Variants in ASPRV1 observed in about 807,000 individuals in gnomAD.
ASPRV1 encodes the protein retroviral-like aspartic protease 1.
Under a neutral mutation model 11.0 loss-of-function variants are expected in ASPRV1, and 7 were observed. The ratio of observed to expected loss-of-function variants is 0.64; its 90% CI spans 0.36 to 1.20. The LOEUF is 1.20. ASPRV1 is among the 50% of genes most tolerant of loss of function. ASPRV1 has a pLI of 0.02. For missense variants in ASPRV1, 299 were observed against 320.0 expected, an observed-to-expected ratio of 0.93 and a Z score of 0.50; for synonymous variants, 136 against 138.4, an observed-to-expected ratio of 0.98 and a Z score of 0.12.
the ASPRV1 span, among the ~76,000 whole-genome samples, chr2:70,029,469 T>A: frequency 2.6e-5 from 4 of 151,920 alleles, no homozygotes; most frequent in Admixed American, 2.0e-4. Context: ...TGAAACCCCA[T>A]CTCTGCTAAA....
the ASPRV1 span, among the ~76,000 whole-genome samples, chr2:69,991,672 C>T: frequency 1.3e-5 from 2 of 152,122 alleles, no homozygotes; most frequent in East Asian, 1.9e-4. Context: ...CTCAGTCTCC[C>T]GAGTAGCTGG....
downstream of ASPRV1, among the ~76,000 whole-genome samples, chr2:69,959,900 G>A (rs1175999357): frequency 6.6e-6 from 1 of 152,144 alleles, no homozygotes; most frequent in African/African-American, 2.4e-5. Context: ...AAAATAATGA[G>A]AGCAATTCTG....
chr2:70,081,109 CAAG>C, the ASPRV1 span: 1 of 152,156 alleles, frequency 6.6e-6, no homozygotes. Flanking sequence ...CTCAGAGAAC[CAAG>C]AAGTGATCTC....
At chr2:70,007,651 A>C in the ASPRV1 span, among the ~76,000 whole-genome samples, 1 of 152,092 alleles carries the variant, frequency 6.6e-6, no homozygotes. Context: ...AGAAAAGTAT[A>C]TATCATTTGA....
the ASPRV1 span, among the ~76,000 whole-genome samples, chr2:69,935,008 T>A: frequency 2.6e-5 from 4 of 152,184 alleles, no homozygotes; most frequent in Admixed American, 2.6e-4. Flanking sequence ...TTCAATAAAC[T>A]CATTATAAAT....
At chr2:70,060,936 C>A in the ASPRV1 span, among the ~76,000 whole-genome samples, 2 of 152,202 alleles carry the variant, frequency 1.3e-5, no homozygotes, top group Non-Finnish European at 2.9e-5. Flanking sequence ...CCTGAAGATA[C>A]ATAACCAGGA....
chr2:70,027,289 G>A, the ASPRV1 span, among the ~76,000 whole-genome samples: 3 of 150,954 alleles, frequency 2.0e-5, no homozygotes, highest in South Asian at 6.3e-4. Context: ...AAAAAAGCGG[G>A]GGGTGGAGCA....
the ASPRV1 span, among the ~76,000 whole-genome samples, chr2:70,007,325 C>A: frequency 1.3e-5 from 2 of 151,944 alleles, no homozygotes; most frequent in Non-Finnish European, 2.9e-5. Context: ...CTAGACCAGC[C>A]TAACCAACAT....
the ASPRV1 span, among the ~76,000 whole-genome samples, chr2:69,980,759 A>T: frequency 7.2e-6 from 1 of 138,066 alleles, no homozygotes; most frequent in Non-Finnish European, 1.5e-5. Flanking sequence ...TATAAATCCA[A>T]AATTATTTTA....
chr2:70,046,213 T>C, the ASPRV1 span: 1 of 152,240 alleles, frequency 6.6e-6, no homozygotes, highest in Non-Finnish European at 1.5e-5. Flanking sequence ...GTTTTTTCCC[T>C]AGGAGGTTTC....
the ASPRV1 span, among the ~76,000 whole-genome samples, chr2:70,025,186 G>A: frequency 8.5e-5 from 13 of 152,114 alleles, no homozygotes; most frequent in African/African-American, 2.4e-4. Context: ...ACGCATACAC[G>A]CATGCATGTG....
At chr2:70,009,230 T>C in the ASPRV1 span, among the ~76,000 whole-genome samples, 3 of 152,200 alleles carry the variant, frequency 2.0e-5, no homozygotes, top group South Asian at 2.1e-4. Context: ...AGAGCATTTA[T>C]ATACTTGTCT....
the ASPRV1 span, among the ~76,000 whole-genome samples, chr2:70,082,705 T>C: frequency 6.6e-6 from 1 of 152,126 alleles, no homozygotes; most frequent in Non-Finnish European, 1.5e-5. Flanking sequence ...CGCGAAACTC[T>C]GTCTCAAAAA....
At chr2:70,081,718 G>A in the ASPRV1 span, among the ~76,000 whole-genome samples, 3 of 151,838 alleles carry the variant, frequency 2.0e-5, no homozygotes, top group African/African-American at 4.8e-5. Flanking sequence ...CAAGTAGCTG[G>A]GACTACAGGT....
upstream of ASPRV1, chr2:69,963,415 G>A: frequency 2.2e-6 from 1 of 456,728 alleles, no homozygotes; most frequent in Non-Finnish European, 4.4e-6. Context: ...CCCAGCTGCT[G>A]GGATGAGTGT....
At chr2:69,957,604 T>C (rs1677969538), downstream of ASPRV1, among the ~76,000 whole-genome samples, 1 of 151,754 alleles carries the variant, frequency 6.6e-6, no homozygotes. Flanking sequence ...TAGAATCACT[T>C]GGGGATCTTG....
the ASPRV1 span, chr2:69,938,557 G>T: frequency 2.6e-6 from 1 of 384,346 alleles, no homozygotes; most frequent in Admixed American, 4.2e-5. Flanking sequence ...GACCGAATAA[G>T]CAATGTCCAC....
chr2:69,935,282 T>C, the ASPRV1 span: 1 of 1,103,164 alleles, frequency 9.1e-7, no homozygotes, highest in Non-Finnish European at 1.4e-6. Context: ...CTTTGAGAAC[T>C]CATTCTGCCT....
the ASPRV1 span, among the ~76,000 whole-genome samples, chr2:69,944,292 C>T: frequency 6.6e-5 from 10 of 152,210 alleles, no homozygotes; most frequent in African/African-American, 2.4e-4. Flanking sequence ...TCCGAAGTTT[C>T]CTGACTTGTT....
Sources: allele counts gnomAD v4.1 joint callset (sites outside exome capture counted in the v4.1 genomes callset), GRCh38; gene constraint gnomAD v4.1.1; transcripts MANE v1.5; gene names NCBI Gene and HGNC (gene_info 2026-07-23, HGNC 2026-07-21).